SCIN: variants seen among roughly 807,000 people sequenced by gnomAD.
The protein encoded by SCIN is adseverin.
A neutral mutation model predicts 91.8 loss-of-function variants in SCIN; 91 were observed. The ratio of observed to expected loss-of-function variants is 0.99; its 90% CI spans 0.84 to 1.18. SCIN has a LOEUF of 1.18. Among genes scored for constraint, SCIN ranks in the 50% most tolerant of loss-of-function variants. The probability of loss-of-function intolerance (pLI) is 0.00; values close to 1 mark genes in which losing one functional copy is unlikely to be tolerated. For synonymous variants in SCIN, 367 were observed against 312.6 expected (o/e 1.17, Z -1.84); for missense variants, 1,087 against 863.9 (o/e 1.26, Z -3.24).
At chr7:12,571,442 C>G (rs781378899) in intron 1 of SCIN, 14 of 358,988 alleles carry the variant, frequency 3.9e-5, no homozygotes, top group Non-Finnish European at 7.9e-5. Flanking sequence ...AGGAAGAAGT[C>G]CTTTTCTTTT....
chr7:12,596,123 G>T (rs951726097), intron 3 of SCIN: 11 of 279,868 alleles, frequency 3.9e-5, no homozygotes, highest in African/African-American at 2.4e-4. Flanking sequence ...TTGATCCTAG[G>T]ATTTTATAGA....
intron 3 of SCIN, among the ~76,000 whole-genome samples, chr7:12,602,794 C>G (rs969924476): frequency 1.3e-5 from 2 of 152,110 alleles, no homozygotes; most frequent in African/African-American, 2.4e-5. Flanking sequence ...TTATTCTGTT[C>G]TTTTTCAAGG....
In SCIN at chr7:12,644,252, G is replaced by A; in HGVS notation, c.1696G>A (p.Ala566Thr). 1 of 1,605,632 alleles carries A rather than the reference G, an allele frequency of 6.2e-7. No homozygotes were observed. Among genetic ancestry groups the A allele is most frequent in the Non-Finnish European group, 8.5e-7 (1 of 1,175,702 alleles). ...TGCTAGCCAGGAGGAGGAGAAAGGA[G>A]CAGAGTATGTAGCAAGTGTCCTAAA... Reference protein sequence around the residue: ...KGASQEEEKGAEYVASVLKCK... With the variant: ...KGASQEEEKGTEYVASVLKCK... The change falls in exon 12 of 16, where the codon GCA (alanine) becomes ACA (threonine). Residue 566 changes from alanine to threonine, a missense_variant. Physicochemically the swap from Ala to Thr is moderately conservative, Grantham distance 58. Coordinates refer to ENST00000297029, the MANE Select transcript of SCIN (RefSeq NM_001112706.3).
intron 10 of SCIN, among the ~76,000 whole-genome samples, chr7:12,638,063 T>G (rs562118140): frequency 6.6e-6 from 1 of 152,304 alleles, no homozygotes; most frequent in African/African-American, 2.4e-5. Context: ...ATATTTATGG[T>G]GGAGTATCTG....
chr7:12,609,195 G>A (rs1783141902), intron 4 of SCIN, among the ~76,000 whole-genome samples: 1 of 152,274 alleles, frequency 6.6e-6, no homozygotes, highest in East Asian at 1.9e-4. Flanking sequence ...GGGGAAACAG[G>A]ATGTGTGCTC....
In SCIN at chr7:12,629,240, A is replaced by G; in HGVS notation, c.1319+18A>G. On this transcript the variant is annotated intron_variant, in intron 9 of 15. Transcript: ENST00000297029. ...TACACGTGGTGAGTTTATACGGGTA[A>G]AGATCTCGAGTTCCACAGGAGCCAG... 1 of 1,591,038 alleles carries G rather than the reference A, an allele frequency of 6.3e-7. No individual in the cohort carries two copies. The highest frequency in any genetic ancestry group is 1.8e-5 in the Admixed American group (1 of 55,592).
Position 12,644,570 on chromosome 7 carries a change from T to G in SCIN, c.1760-14T>G. 6.2e-7 allele frequency: 1 copy of G among 1,612,402 alleles called. No homozygotes were observed. The highest frequency in any genetic ancestry group is 1.7e-4 in the Middle Eastern group (1 of 6,060). On this transcript the variant is annotated splice_polypyrimidine_tract_variant and intron_variant, in intron 12 of 15. Transcript: ENST00000297029. Reference sequence around the variant, plus strand: ...CCTGAAAATGCACTGGATAACTGAGTGTGTTTTCCACAGAGGAGTTCTGGA... The same window carrying G: ...CCTGAAAATGCACTGGATAACTGAGGGTGTTTTCCACAGAGGAGTTCTGGA...
rs146170508 is a variant in SCIN, at chr7:12,640,423, A to G, written c.1487A>G (p.Asn496Ser). 8.1e-4 allele frequency: 1,305 copies of G among 1,613,524 alleles called. 1 individual carries two copies. The highest frequency in any genetic ancestry group is 1.0e-3 in the Non-Finnish European group (1,237 of 1,179,710). Residue 496 changes from asparagine (N) to serine (S), a missense_variant, in exon 11 of 16, where the codon AAT (asparagine) becomes AGT (serine). Physicochemically the swap from Asn to Ser is conservative, Grantham distance 46 (BLOSUM62 1). Coordinates refer to ENST00000297029, the MANE Select transcript of SCIN (RefSeq NM_001112706.3). ...FKDKPLIIYKNGTSKKGGQAP... is the reference protein window; with the variant it reads ...FKDKPLIIYKSGTSKKGGQAP... ...GACAAACCGCTCATTATTTACAAGA[A>G]TGGAACATCAAAGAAAGGAGGTCAG...
At chr7:12,596,424 C>T (rs1290954416) in intron 3 of SCIN, 1 of 455,462 alleles carries the variant, frequency 2.2e-6, no homozygotes, top group Non-Finnish European at 4.4e-6. Context: ...TTTAGTGCAA[C>T]AGGTGTGAAC....
intron 3 of SCIN, among the ~76,000 whole-genome samples, chr7:12,598,379 T>C (rs377307252): frequency 3.3e-5 from 5 of 152,266 alleles, no homozygotes; most frequent in East Asian, 3.9e-4. Flanking sequence ...TAACTACCTC[T>C]GAATAGAGTA....
intron 1 of SCIN, chr7:12,577,503 A>G (rs1384252054): frequency 2.2e-6 from 1 of 456,002 alleles, no homozygotes; most frequent in South Asian, 1.6e-5. Flanking sequence ...CTTCTTGAGC[A>G]ACTTCACACA....
chr7:12,605,929 A>G (rs1459356945), intron 4 of SCIN, among the ~76,000 whole-genome samples: 1 of 152,214 alleles, frequency 6.6e-6, no homozygotes, highest in Non-Finnish European at 1.5e-5. Flanking sequence ...TAACGATTAT[A>G]TGAATCTTAG....
intron 13 of SCIN, among the ~76,000 whole-genome samples, chr7:12,648,094 A>C (rs1784001479): frequency 6.6e-6 from 1 of 152,104 alleles, no homozygotes; most frequent in Admixed American, 6.5e-5. Context: ...AGATTAATAC[A>C]TGCCCATTGG....
intron 1 of SCIN, among the ~76,000 whole-genome samples, chr7:12,573,873 A>G (rs1186925525): frequency 6.6e-6 from 1 of 152,218 alleles, no homozygotes; most frequent in African/African-American, 2.4e-5. Context: ...ATTGGATTAC[A>G]ATATACGATA....
rs1784135386 is a variant in SCIN, at chr7:12,654,424, G to T, written c.*1709G>T. On this transcript the variant is annotated 3_prime_UTR_variant, in exon 16 of 16. Coordinates refer to ENST00000297029, the MANE Select transcript of SCIN (RefSeq NM_001112706.3). ...AATTTACCTAAAAAGGCGTTTTCTT[G>T]CTATGGCAGTGTAACCTGTACTAAT... is the stretch of plus-strand genomic sequence containing the variant. 1 of 152,110 alleles carries T rather than the reference G, an allele frequency of 6.6e-6. No homozygotes were observed. The highest frequency in any genetic ancestry group is 1.5e-5 in the Non-Finnish European group (1 of 68,002). The allele number at this position is 152,110 out of a possible 1,614,324, so 9.4% of individuals were successfully genotyped here.
intron 1 of SCIN, among the ~76,000 whole-genome samples, chr7:12,573,123 C>T (rs978255665): frequency 1.3e-5 from 2 of 152,136 alleles, no homozygotes; most frequent in Non-Finnish European, 2.9e-5. Flanking sequence ...CCCAACAGCT[C>T]TTCCTACTTC....
At chr7:12,644,464 TG>T (rs1235524522) in intron 12 of SCIN, 119 bp from the exon 13 acceptor site, 1 of 1,474,364 alleles carries the variant, frequency 6.8e-7, no homozygotes, top group African/African-American at 1.4e-5. Flanking sequence ...TGATGGTACC[TG>T]ATTTCTTTAA....
chr7:12,642,082 A>G (rs546740089), intron 11 of SCIN, among the ~76,000 whole-genome samples: 1 of 151,598 alleles, frequency 6.6e-6, no homozygotes, highest in South Asian at 2.1e-4. Flanking sequence ...TATTATATAT[A>G]TACTATTATC....
At chr7:12,579,558 C>G (rs1274839187) in intron 2 of SCIN, among the ~76,000 whole-genome samples, 1 of 152,042 alleles carries the variant, frequency 6.6e-6, no homozygotes, top group Non-Finnish European at 1.5e-5. Flanking sequence ...CTCAGTTTCC[C>G]CAAACAATGA....
Sources: gnomAD v4.1 joint callset for allele counts (sites outside exome capture counted in the v4.1 genomes callset) on GRCh38, gnomAD v4.1.1 for gene constraint, MANE v1.5 for transcripts, NCBI Gene and HGNC (gene_info 2026-07-23, HGNC 2026-07-21) for gene names.